The following ASB3 variants were observed in gnomAD, a reference collection of about 807,000 sequenced individuals.
ASB3 encodes ankyrin repeat and SOCS box protein 3.
ASB3 carries 41 observed loss-of-function variants against 54.5 expected under a neutral mutation model. The ratio of observed to expected loss-of-function variants is 0.75; its 90% CI spans 0.59 to 0.98. The LOEUF (loss-of-function observed/expected upper bound fraction) is 0.98. Among genes scored for constraint, ASB3 ranks in the 50% least tolerant of loss-of-function variants. ASB3 has a pLI of 0.00. For synonymous variants in ASB3, 266 were observed against 221.2 expected, an observed-to-expected ratio of 1.20 and a Z score of -1.80; for missense variants, 733 against 620.0, an observed-to-expected ratio of 1.18 and a Z score of -1.94.
At chr2:53,740,953 C>T (rs895447161) in intron 3 of ASB3, among the ~76,000 whole-genome samples, 1 of 152,198 alleles carries the variant, frequency 6.6e-6, no homozygotes, top group East Asian at 1.9e-4. Flanking sequence ...TAACACATCC[C>T]TAAACTTACA....
Position 53,670,585 on chromosome 2 carries a change from C to A in ASB3, c.1475G>T (p.Arg492Ile). 6.2e-7 allele frequency: 1 copy of A among 1,613,936 alleles called. No individual in the cohort carries two copies. Among genetic ancestry groups the A allele is most frequent in the Non-Finnish European group, 8.5e-7 (1 of 1,179,968 alleles). Residue 492 changes from arginine (R) to isoleucine (I), a missense_variant, in exon 10 of 10, where the codon AGA (arginine) becomes ATA (isoleucine). Physicochemically the swap from Arg to Ile is moderately conservative, Grantham distance 97. Transcript: ENST00000263634. ...ATAGAGCAAATAATTATGTAGGCTTCTGGGAAGTGGCAGCTGACTAATATA... is the reference window on the plus strand; with the variant it reads ...ATAGAGCAAATAATTATGTAGGCTTATGGGAAGTGGCAGCTGACTAATATA... The part of the protein sequence containing the change: ...DSYISQLPLP[R>I]SLHNYLLYED...
At chr2:53,689,082 T>C (rs138364930) in intron 9 of ASB3, among the ~76,000 whole-genome samples, 1 of 151,982 alleles carries the variant, frequency 6.6e-6, no homozygotes, top group African/African-American at 2.4e-5. Context: ...TTTATTTCCA[T>C]GAAATTTTAA....
intron 2 of ASB3, among the ~76,000 whole-genome samples, chr2:53,758,718 C>T (rs1672974667): frequency 1.3e-5 from 2 of 152,142 alleles, no homozygotes; most frequent in African/African-American, 4.8e-5. Context: ...GGTAGTTGTA[C>T]ACCCTGGAAA....
At chr2:53,679,920 T>C (rs1413795488) in intron 9 of ASB3, among the ~76,000 whole-genome samples, 1 of 152,124 alleles carries the variant, frequency 6.6e-6, no homozygotes, top group African/African-American at 2.4e-5. Flanking sequence ...TAGGCCACAG[T>C]GTCTGTTGTT....
intron 1 of ASB3, among the ~76,000 whole-genome samples, chr2:53,770,116 T>C (rs1673790414): frequency 1.3e-5 from 2 of 152,172 alleles, no homozygotes; most frequent in South Asian, 4.1e-4. Flanking sequence ...TATATATATA[T>C]CCTCATTGTA....
At chr2:53,766,974 G>A (rs972912336) in intron 1 of ASB3, among the ~76,000 whole-genome samples, 1 of 152,096 alleles carries the variant, frequency 6.6e-6, no homozygotes, top group African/African-American at 2.4e-5. Flanking sequence ...TAGTCCAAGC[G>A]AATTTCCTAA....
intron 8 of ASB3, among the ~76,000 whole-genome samples, chr2:53,698,598 A>G (rs1669313313): frequency 6.6e-6 from 1 of 152,182 alleles, no homozygotes; most frequent in South Asian, 2.1e-4. Flanking sequence ...AGCCTTCCAT[A>G]AAGTCCTTAG....
intron 7 of ASB3, among the ~76,000 whole-genome samples, chr2:53,703,312 G>A (rs561166390): frequency 3.2e-4 from 48 of 152,266 alleles, no homozygotes; most frequent in Admixed American, 1.6e-3. Context: ...TTTGTTGCAG[G>A]ATCTATACAG....
chr2:53,729,103 A>G (rs1303296213), intron 4 of ASB3, among the ~76,000 whole-genome samples: 1 of 152,208 alleles, frequency 6.6e-6, no homozygotes, highest in Non-Finnish European at 1.5e-5. Context: ...TAGAATCCTG[A>G]AAAATTAGCT....
chr2:53,767,871 G>C, intron 1 of ASB3: 1 of 1,598,626 alleles, frequency 6.3e-7, no homozygotes. Flanking sequence ...CACTGGGGCA[G>C]AGGAGCCGCG....
Position 53,700,421 on chromosome 2 carries a change from T to A in ASB3, c.1088A>T (p.Tyr363Phe). ...CAATGAGCAACCTTTCCTCAAAAAG[T>A]AGCGAAATATCGAAAACTTCTCGTA... ...LKYEKFSIFRYFLRKGCSLGP... is the reference protein window; with the variant it reads ...LKYEKFSIFRFFLRKGCSLGP... Residue 363 changes from tyrosine (Y) to phenylalanine (F), a missense_variant, in exon 8 of 10, where the codon TAC becomes TTC. Tyr to Phe is a conservative substitution (Grantham distance 22, BLOSUM62 3). Coordinates refer to ENST00000263634, the MANE Select transcript of ASB3 (RefSeq NM_016115.5). 6.2e-7 allele frequency: 1 copy of A among 1,614,094 alleles called. No individual in the cohort carries two copies. The highest frequency in any genetic ancestry group is 1.6e-4 in the Middle Eastern group (1 of 6,062).
At chr2:53,682,827 T>C (rs934410435) in intron 9 of ASB3, among the ~76,000 whole-genome samples, 2 of 152,228 alleles carry the variant, frequency 1.3e-5, no homozygotes, top group African/African-American at 4.8e-5. Flanking sequence ...GTTGATTTTG[T>C]ATCCTGAAAA....
chr2:53,702,037 T>C (rs1669521722), intron 7 of ASB3, among the ~76,000 whole-genome samples: 1 of 152,180 alleles, frequency 6.6e-6, no homozygotes, highest in African/African-American at 2.4e-5. Flanking sequence ...TATTTAACAA[T>C]ACAACCCCTT....
At chr2:53,677,567 T>A (rs186024301) in intron 9 of ASB3, among the ~76,000 whole-genome samples, 35 of 152,342 alleles carry the variant, frequency 2.3e-4, no homozygotes, top group Non-Finnish European at 4.3e-4. Context: ...TAATAAGGAA[T>A]GCATTTTGTT....
chr2:53,768,104 A>G, intron 1 of ASB3: 1 of 1,512,372 alleles, frequency 6.6e-7, no homozygotes, highest in Non-Finnish European at 9.0e-7. Context: ...CACCCTAGAG[A>G]ACCACACCTT....
At chr2:53,710,803 A>G (rs546809734) in intron 7 of ASB3, among the ~76,000 whole-genome samples, 1 of 152,190 alleles carries the variant, frequency 6.6e-6, no homozygotes, top group South Asian at 2.1e-4. Flanking sequence ...CTAGCCTGAG[A>G]CTCTGATGAT....
chr2:53,751,625 A>C (rs1332207427), intron 2 of ASB3, among the ~76,000 whole-genome samples: 1 of 152,198 alleles, frequency 6.6e-6, no homozygotes, highest in Non-Finnish European at 1.5e-5. Flanking sequence ...ATGGGCTCTA[A>C]AGTGAAGGGT....
chr2:53,681,361 A>T (rs150957909), intron 9 of ASB3, among the ~76,000 whole-genome samples: 212 of 152,196 alleles, frequency 1.4e-3, no homozygotes, highest in Non-Finnish European at 2.4e-3. Flanking sequence ...GTGCATCAGA[A>T]ACTTTTAAAC....
rs751195509 is a variant in ASB3 at position 53,750,938 on chromosome 2, G to A, written c.200C>T (p.Ser67Leu). Reference sequence around the variant, plus strand: ...CTTCATCTTAATGTAGTTTTCAGATGAATCTGTGGAAGAATCAAAGCCCAT... The same window carrying A: ...CTTCATCTTAATGTAGTTTTCAGATAAATCTGTGGAAGAATCAAAGCCCAT... ...ECLQMLINAD[S>L]SENYIKMKTF... The change falls in exon 3 of 10, where the codon TCA becomes TTA. Residue 67 changes from serine (S) to leucine (L), a missense_variant. Physicochemically the swap from Ser to Leu is moderately radical, Grantham distance 145. Coordinates refer to ENST00000263634, the MANE Select transcript of ASB3 (RefSeq NM_016115.5). The A allele has an allele frequency of 9.6e-5, 148 of 1,540,438 alleles. No homozygotes were observed. The highest frequency in any genetic ancestry group is 1.2e-4 in the Non-Finnish European group (143 of 1,145,140).
Sources: gnomAD v4.1 joint callset for allele counts (sites outside exome capture counted in the v4.1 genomes callset) on GRCh38, gnomAD v4.1.1 for gene constraint, MANE v1.5 for transcripts, NCBI Gene and HGNC (gene_info 2026-07-23, HGNC 2026-07-21) for gene names.